Variants in SLC9A8 observed in about 807,000 individuals in gnomAD.
The protein encoded by SLC9A8 is solute carrier family 9 member A8, also known as sodium/hydrogen exchanger 8.
SLC9A8 carries 48 observed loss-of-function variants against 66.6 expected under a neutral mutation model. That is an observed-to-expected ratio of 0.72 (90% CI 0.57 to 0.92). SLC9A8 has a LOEUF of 0.92. Ranked by LOEUF, SLC9A8 falls within the 40% of genes least tolerant of loss-of-function variation. The pLI, the probability that SLC9A8 is intolerant of heterozygous loss-of-function variation, is 0.00. For synonymous variants in SLC9A8, 274 were observed against 282.6 expected (o/e 0.97, Z 0.31); for missense variants, 599 against 747.3 (o/e 0.80, Z 2.31).
In SLC9A8 at chr20:49,829,714, A is replaced by G. The variant is rs538861111; in HGVS notation, c.289+6573A>G. 4.0e-5 allele frequency: 20 copies of G among 494,082 alleles called. 1 individual carries two copies. Among genetic ancestry groups the G allele is most frequent in the South Asian group, 3.1e-4 (18 of 58,052 alleles). The allele number at this position is 494,082 out of a possible 1,614,324, so 30.6% of individuals were successfully genotyped here. On this transcript the variant is annotated intron_variant, in intron 3 of 15. Coordinates refer to ENST00000361573, the MANE Select transcript of SLC9A8 (RefSeq NM_015266.3). ...GCCAAAGAGTTTCTCAGGAGAGCCC[A>G]AAGGGAAAGATCAGACGTCATCCCA...
chr20:49,877,030 G>A (rs1470582297), intron 11 of SLC9A8, among the ~76,000 whole-genome samples: 1 of 151,260 alleles, frequency 6.6e-6, no homozygotes, highest in African/African-American at 2.4e-5. Flanking sequence ...GCTTATGCTT[G>A]TAATCCCAGC....
chr20:49,839,451 C>T, intron 3 of SLC9A8, 90 bp from the exon 4 acceptor site: 2 of 829,434 alleles, frequency 2.4e-6, no homozygotes, highest in Non-Finnish European at 3.9e-6. Flanking sequence ...CACATGTCGT[C>T]AGGACCTCCT....
At chr20:49,834,677 T>C (rs1220698016) in intron 3 of SLC9A8, among the ~76,000 whole-genome samples, 1 of 151,776 alleles carries the variant, frequency 6.6e-6, no homozygotes, top group Non-Finnish European at 1.5e-5. Flanking sequence ...AACAATAATA[T>C]CACATTGTAT....
At chr20:49,820,664 A>T (rs140694651) in intron 2 of SLC9A8, among the ~76,000 whole-genome samples, 1 of 151,762 alleles carries the variant, frequency 6.6e-6, no homozygotes, top group Non-Finnish European at 1.5e-5. Flanking sequence ...CTCCTGTCTC[A>T]GCCTCCCATA....
At chr20:49,853,893 A>G (rs1188833375) in intron 7 of SLC9A8, among the ~76,000 whole-genome samples, 1 of 152,192 alleles carries the variant, frequency 6.6e-6, no homozygotes, top group Admixed American at 6.5e-5. Flanking sequence ...CAGAGGCCAG[A>G]TGATTGACTT....
At chr20:49,813,890 A>T (rs1208980787) in intron 1 of SLC9A8, among the ~76,000 whole-genome samples, 1 of 152,144 alleles carries the variant, frequency 6.6e-6, no homozygotes, top group Non-Finnish European at 1.5e-5. Context: ...ATGGGGAAGG[A>T]CGGGCTGTGT....
At chr20:49,852,266 A>C (rs1163236845) in intron 7 of SLC9A8, among the ~76,000 whole-genome samples, 1 of 152,222 alleles carries the variant, frequency 6.6e-6, no homozygotes, top group Non-Finnish European at 1.5e-5. Flanking sequence ...TACCATGTGG[A>C]AATCTGGGCC....
In SLC9A8 at chr20:49,888,171, TCAGTGTGGCTCCTCAGCCCA is replaced by T. The variant is rs2146799125; in HGVS notation, c.*239_*258del. 2.2e-6 allele frequency: 1 copy of T among 446,222 alleles called. No homozygotes were observed. Among genetic ancestry groups the T allele is most frequent in the African/African-American group, 2.0e-5 (1 of 49,154 alleles). 27.6% of individuals were successfully genotyped at this position (446,222 alleles called of 1,614,324 possible). Reference sequence around the variant, plus strand: ...GACTCCTCCCTGAGCCAGCCTCCGCTCAGTGTGGCTCCTCAGCCCACAGAGGGGAGGGAGCATGGGGCCAG... The same window carrying T: ...GACTCCTCCCTGAGCCAGCCTCCGCTCAGAGGGGAGGGAGCATGGGGCCAG... On this transcript the variant is annotated 3_prime_UTR_variant, in exon 16 of 16. Transcript: ENST00000361573.
At chr20:49,862,597 GGC>G (rs1220507394) in intron 8 of SLC9A8, among the ~76,000 whole-genome samples, 1 of 152,044 alleles carries the variant, frequency 6.6e-6, no homozygotes, top group Non-Finnish European at 1.5e-5. Flanking sequence ...CCTTGAGCCC[GGC>G]CAGTCTGAGT....
intron 3 of SLC9A8, among the ~76,000 whole-genome samples, chr20:49,837,550 T>A (rs1179638973): frequency 1.3e-5 from 2 of 152,140 alleles, no homozygotes; most frequent in Non-Finnish European, 2.9e-5. Flanking sequence ...CAATTTTTTT[T>A]ATTATTTTTA....
chr20:49,813,561 C>T (rs1293028465), intron 1 of SLC9A8, among the ~76,000 whole-genome samples: 1 of 152,140 alleles, frequency 6.6e-6, no homozygotes, highest in Non-Finnish European at 1.5e-5. Context: ...TATTGGAACG[C>T]TAAGCATGTG....
intron 7 of SLC9A8, among the ~76,000 whole-genome samples, chr20:49,851,337 T>C (rs1157075735): frequency 6.6e-6 from 1 of 152,162 alleles, no homozygotes; most frequent in Non-Finnish European, 1.5e-5. Context: ...GCCACTCCCG[T>C]GAGCACTTCC....
Position 49,889,241 on chromosome 20 carries a change from GA to G in SLC9A8, c.*1306del, listed in dbSNP as rs963648652. 2.0e-5 allele frequency: 3 copies of G among 152,250 alleles called. No individual in the cohort carries two copies. Among genetic ancestry groups the G allele is most frequent in the African/African-American group, 7.2e-5 (3 of 41,454 alleles). The allele number at this position is 152,250 out of a possible 1,614,324, so 9.4% of individuals were successfully genotyped here. A position where few individuals can be genotyped will look rare whatever the true frequency, so the allele number is the denominator to read the frequency against. ...TCCGTATGTGGTTCTGGGTCCCAGGGAGCCTTGGAACCTGGCACCCTGGGGT... is the reference window on the plus strand; with the variant it reads ...TCCGTATGTGGTTCTGGGTCCCAGGGGCCTTGGAACCTGGCACCCTGGGGT... On this transcript the variant is annotated 3_prime_UTR_variant, in exon 16 of 16. Transcript: ENST00000361573.
At chr20:49,823,773 G>A (rs1206970614) in intron 3 of SLC9A8, among the ~76,000 whole-genome samples, 1 of 152,148 alleles carries the variant, frequency 6.6e-6, no homozygotes, top group Admixed American at 6.5e-5. Context: ...TAAGTTCAAG[G>A]CTAAAATGTG....
At chr20:49,880,339 A>G (rs2089580729) in intron 12 of SLC9A8, among the ~76,000 whole-genome samples, 1 of 151,692 alleles carries the variant, frequency 6.6e-6, no homozygotes. Flanking sequence ...GGAGATGGAG[A>G]GGAACCAAAA....
At chr20:49,875,333 T>C (rs2089384553) in intron 11 of SLC9A8, among the ~76,000 whole-genome samples, 1 of 151,980 alleles carries the variant, frequency 6.6e-6, no homozygotes, top group Non-Finnish European at 1.5e-5. Flanking sequence ...AACAAGAGTT[T>C]AGGAAATCCT....
At chr20:49,858,446 A>G (rs2088596980) in intron 8 of SLC9A8, among the ~76,000 whole-genome samples, 1 of 151,244 alleles carries the variant, frequency 6.6e-6, no homozygotes. Flanking sequence ...CTTGGAGGTG[A>G]CATCATGAGT....
chr20:49,858,786 T>C (rs540020854), intron 8 of SLC9A8, among the ~76,000 whole-genome samples: 22 of 151,946 alleles, frequency 1.4e-4, no homozygotes, highest in African/African-American at 5.3e-4. Flanking sequence ...GGTGAAACCC[T>C]GTATCTACTA....
chr20:49,863,467 C>T (rs1267087606), intron 9 of SLC9A8, among the ~76,000 whole-genome samples: 2 of 152,204 alleles, frequency 1.3e-5, no homozygotes, highest in East Asian at 3.8e-4. Context: ...GTAATCCCAG[C>T]ACTTTGAGAG....
Sources: gnomAD v4.1 joint callset for allele counts (sites outside exome capture counted in the v4.1 genomes callset) on GRCh38, gnomAD v4.1.1 for gene constraint, MANE v1.5 for transcripts, NCBI Gene and HGNC (gene_info 2026-07-23, HGNC 2026-07-21) for gene names.